The following SLC30A5 variants were observed in gnomAD, a reference collection of about 807,000 sequenced individuals.
SLC30A5 encodes the protein proton-coupled zinc antiporter SLC30A5.
Under a neutral mutation model 79.6 loss-of-function variants are expected in SLC30A5, and 33 were observed. The ratio of observed to expected loss-of-function variants is 0.41; its 90% CI spans 0.31 to 0.55. SLC30A5 has a LOEUF of 0.55. SLC30A5 is among the 20% of genes least tolerant of loss of function. The pLI is 0.20. For missense variants in SLC30A5, 788 were observed against 928.1 expected (o/e 0.85, Z 1.96); for synonymous variants, 299 against 319.7 (o/e 0.94, Z 0.69).
rs1561301026 is a variant in SLC30A5 at position 69,128,090 on chromosome 5, AC to A, written c.2086del (p.Gln696ArgfsTer2). 1 of 1,612,590 alleles carries A rather than the reference AC, an allele frequency of 6.2e-7. No homozygotes were observed. The highest frequency in any genetic ancestry group is 8.5e-7 in the Non-Finnish European group (1 of 1,179,038). Reference protein sequence around the residue: ...ASIVAGTIHIQVTSDVLEQRI... With the variant: ...ASIVAGTIHIXVTSDVLEQRI... ...GTATTGTGGCAGGAACAATTCATAT[AC>A]AGGTGACATCTGATGTGCTAGAACA... On this transcript the variant is annotated frameshift_variant, in exon 15 of 16. Transcript: ENST00000396591. LOFTEE classifies it high-confidence loss of function.
At chr5:69,112,149 T>A (rs769204291) in intron 5 of SLC30A5, among the ~76,000 whole-genome samples, 9 of 151,978 alleles carry the variant, frequency 5.9e-5, no homozygotes, top group Non-Finnish European at 1.0e-4. Flanking sequence ...ATGCAAAAAT[T>A]AGCCAAGCAT....
intron 14 of SLC30A5, among the ~76,000 whole-genome samples, chr5:69,125,717 T>C (rs1289663667): frequency 6.6e-6 from 1 of 151,134 alleles, no homozygotes; most frequent in Non-Finnish European, 1.5e-5. Flanking sequence ...TGGGCACCTG[T>C]AGTCCCAGCT....
intron 4 of SLC30A5, among the ~76,000 whole-genome samples, chr5:69,107,734 CTTT>C (rs377505223): frequency 1.5e-5 from 2 of 136,964 alleles, no homozygotes. Flanking sequence ...GTTGCCTGTA[CTTT>C]TTTTTTTTTT....
At chr5:69,097,580 A>G (rs1371004998) in intron 1 of SLC30A5, among the ~76,000 whole-genome samples, 3 of 150,992 alleles carry the variant, frequency 2.0e-5, no homozygotes, top group Non-Finnish European at 4.4e-5. Context: ...CAATCCTTCC[A>G]CCTCAGCCTC....
chr5:69,104,548 T>C (rs1219485322), intron 3 of SLC30A5, 83 bp from the exon 4 acceptor site: 1 of 1,432,022 alleles, frequency 7.0e-7, no homozygotes. Flanking sequence ...GTTATTATTA[T>C]CTTTCTGTAT....
Position 69,101,024 on chromosome 5 carries a change from T to C in SLC30A5, c.206+95T>C, listed in dbSNP as rs1745901673. The C allele has an allele frequency of 1.6e-6, 2 of 1,243,892 alleles. 1 individual carries two copies. Among genetic ancestry groups the C allele is most frequent in the East Asian group, 4.8e-5 (2 of 41,528 alleles). 77.1% of individuals were successfully genotyped at this position (1,243,892 alleles called of 1,614,324 possible). On this transcript the variant is annotated intron_variant, in intron 2 of 15. Coordinates refer to ENST00000396591, the MANE Select transcript of SLC30A5 (RefSeq NM_022902.5). ...TTTAAGAAACTTTACATACAATATT[T>C]TGTTTGTTCCTCCTGACAAGTATTT...
intron 1 of SLC30A5, among the ~76,000 whole-genome samples, chr5:69,096,502 T>G (rs1027935313): frequency 6.6e-6 from 1 of 152,220 alleles, no homozygotes; most frequent in African/African-American, 2.4e-5. Context: ...ATTCAACTCC[T>G]GACTGGTTGA....
At chr5:69,121,243 A>G (rs1338366898) in intron 12 of SLC30A5, among the ~76,000 whole-genome samples, 1 of 152,216 alleles carries the variant, frequency 6.6e-6, no homozygotes, top group Non-Finnish European at 1.5e-5. Context: ...TTAAGACATA[A>G]TAAGACCATA....
At chr5:69,096,934 TG>T (rs1745749274) in intron 1 of SLC30A5, among the ~76,000 whole-genome samples, 1 of 151,058 alleles carries the variant, frequency 6.6e-6, no homozygotes, top group Admixed American at 6.6e-5. Flanking sequence ...CACTGCAGCC[TG>T]GGTGACAGTG....
chr5:69,100,235 T>A (rs554802840), intron 1 of SLC30A5, among the ~76,000 whole-genome samples: 2 of 152,092 alleles, frequency 1.3e-5, no homozygotes, highest in Non-Finnish European at 2.9e-5. Flanking sequence ...CCCAAAGTGC[T>A]GGGATTACAG....
At chr5:69,100,720 G>T in intron 1 of SLC30A5, 87 bp from the exon 2 acceptor site, 1 of 1,149,026 alleles carries the variant, frequency 8.7e-7, no homozygotes, top group Non-Finnish European at 1.2e-6. Context: ...TGTGGTTTCT[G>T]TAATGACCTC....
rs1157483672 is a variant in SLC30A5 at position 69,117,856 on chromosome 5, A to G, written c.1439+460A>G. Among the ~76,000 whole-genome samples the G allele has an allele frequency of 1.4e-3, 186 of 131,812 alleles. No individual in the cohort carries two copies. The Middle Eastern group carries it at 0.02, about 14-fold the overall frequency. The allele number at this position is 131,812 out of a possible 152,430, so 86.5% of individuals were successfully genotyped here. A position where few individuals can be genotyped will look rare whatever the true frequency, so the allele number is the denominator to read the frequency against. On this transcript the variant is annotated intron_variant, in intron 11 of 15. Transcript: ENST00000396591. ...CGTGCCACTGCACTCCAGCCTGGGC[A>G]ACAGAGTGAGACTATGTCTCAAAAA...
Position 69,118,551 on chromosome 5 carries a change from G to C in SLC30A5, c.1492G>C (p.Val498Leu). 1 of 1,603,256 alleles carries C rather than the reference G, an allele frequency of 6.2e-7. No homozygotes were observed. The highest frequency in any genetic ancestry group is 8.5e-7 in the Non-Finnish European group (1 of 1,175,210). Residue 498 changes from valine (V) to leucine (L), a missense_variant, in exon 12 of 16, where the codon GTA becomes CTA. Val to Leu is a conservative substitution (Grantham distance 32). Around this residue, in one of 3 missense-constraint regions of SLC30A5, gnomAD observed 626 missense variants for 755.5 expected, o/e 0.83. Coordinates refer to ENST00000396591, the MANE Select transcript of SLC30A5 (RefSeq NM_022902.5). ...SGFINGLFLI[V>L]IAFFVFMESV... Reference sequence around the variant, plus strand: ...ATTTATTAATGGACTTTTTCTAATAGTAATAGCGTTTTTTGTGTTTATGGA... The same window carrying C: ...ATTTATTAATGGACTTTTTCTAATACTAATAGCGTTTTTTGTGTTTATGGA...
At chr5:69,121,488 G>C (rs1302657535) in intron 12 of SLC30A5, among the ~76,000 whole-genome samples, 1 of 151,926 alleles carries the variant, frequency 6.6e-6, no homozygotes, top group African/African-American at 2.4e-5. Flanking sequence ...AATTCTGCTT[G>C]ATATTTGAAA....
intron 14 of SLC30A5, among the ~76,000 whole-genome samples, chr5:69,126,543 A>T (rs1277596632): frequency 1.3e-5 from 2 of 152,122 alleles, no homozygotes; most frequent in Non-Finnish European, 2.9e-5. Flanking sequence ...CGGGCGGATC[A>T]CAAGGTCAGG....
At chr5:69,094,450 C>G in intron 1 of SLC30A5, 112 bp downstream of exon 1, 1 of 1,138,264 alleles carries the variant, frequency 8.8e-7, no homozygotes, top group African/African-American at 1.6e-5. Context: ...TCGGCGCGCC[C>G]TCTCCCCCTG....
chr5:69,103,578 G>C (rs1309668310), intron 3 of SLC30A5, among the ~76,000 whole-genome samples: 3 of 152,096 alleles, frequency 2.0e-5, no homozygotes, highest in Admixed American at 6.5e-5. Context: ...ACCTTAATTT[G>C]CTCACTGTAA....
chr5:69,115,831 C>A (rs1024411163), intron 8 of SLC30A5, 95 bp from the exon 9 acceptor site: 2 of 1,040,902 alleles, frequency 1.9e-6, no homozygotes, highest in African/African-American at 1.6e-5. Context: ...TTGAATCATG[C>A]GATTTTTATT....
At chr5:69,108,644 A>C (rs559407192) in intron 5 of SLC30A5, among the ~76,000 whole-genome samples, 1 of 152,240 alleles carries the variant, frequency 6.6e-6, no homozygotes, top group African/African-American at 2.4e-5. Context: ...CAACGTGGTG[A>C]AATTCCATCT....
Sources: gnomAD v4.1 joint callset for allele counts (sites outside exome capture counted in the v4.1 genomes callset) on GRCh38, gnomAD v4.1.1 for gene constraint, gnomAD v4.1.1 regional missense constraint, MANE v1.5 for transcripts, NCBI Gene and HGNC (gene_info 2026-07-23, HGNC 2026-07-21) for gene names.